Variants in CACNA1E observed in about 807,000 individuals in gnomAD.
CACNA1E encodes the protein calcium voltage-gated channel subunit alpha1 E, also known as voltage-dependent R-type calcium channel subunit alpha-1E.
A neutral mutation model predicts 259.2 loss-of-function variants in CACNA1E; 40 were observed. The observed-to-expected ratio is 0.15, with a 90% CI of 0.12 to 0.20. The LOEUF is 0.20. Among genes scored for constraint, CACNA1E ranks in the 10% least tolerant of loss-of-function variants. The pLI is 1.00. For missense variants in CACNA1E, 1,874 were observed against 3,040.1 expected (o/e 0.62, Z 9.02); for synonymous variants, 1,104 against 1,138.5 (o/e 0.97, Z 0.61).
chr1:181,435,398 C>T (rs1429014849), intron 2 of CACNA1E, among the ~76,000 whole-genome samples: 1 of 152,214 alleles, frequency 6.6e-6, no homozygotes. Flanking sequence ...ATCATTTATA[C>T]CTCCACTAGC....
At chr1:181,509,016 G>A (rs1419450373) in intron 1 of CACNA1E, among the ~76,000 whole-genome samples, 1 of 152,104 alleles carries the variant, frequency 6.6e-6, no homozygotes, top group Non-Finnish European at 1.5e-5. Context: ...AGAGGTGCGT[G>A]GGAAGGAACG....
chr1:181,799,176 C>A lies in CACNA1E; in HGVS notation c.*342C>A. 1 of 198,766 alleles carries A rather than the reference C, an allele frequency of 5.0e-6. No individual in the cohort carries two copies. Among genetic ancestry groups the A allele is most frequent in the Non-Finnish European group, 1.0e-5 (1 of 98,362 alleles). The allele number at this position is 198,766 out of a possible 1,614,324, so 12.3% of individuals were successfully genotyped here. ...TTCTAAAAGCTGTGGAGGGATCTAGCTGGCCTATGTCTACACTCAGTGCCC... is the reference window on the plus strand; with the variant it reads ...TTCTAAAAGCTGTGGAGGGATCTAGATGGCCTATGTCTACACTCAGTGCCC... On this transcript the variant is annotated 3_prime_UTR_variant, in exon 48 of 48. Coordinates refer to ENST00000367573, the MANE Select transcript of CACNA1E (RefSeq NM_001205293.3).
At chr1:181,377,331 A>G (rs1218689534) in intron 1 of CACNA1E, among the ~76,000 whole-genome samples, 1 of 152,178 alleles carries the variant, frequency 6.6e-6, no homozygotes, top group Non-Finnish European at 1.5e-5. Flanking sequence ...AGTGGAGGTG[A>G]TTGTGTGAGC....
intron 2 of CACNA1E, among the ~76,000 whole-genome samples, chr1:181,468,171 T>C (rs1296671011): frequency 1.3e-5 from 2 of 152,222 alleles, no homozygotes; most frequent in South Asian, 2.1e-4. Flanking sequence ...GAAATGAAAT[T>C]AGTTGAAAAT....
chr1:181,635,472 TTCTC>T (rs928562621), intron 6 of CACNA1E, among the ~76,000 whole-genome samples: 5 of 151,776 alleles, frequency 3.3e-5, no homozygotes, highest in African/African-American at 1.2e-4. Context: ...CCTTCCCCAG[TTCTC>T]TCTCTCTCTC....
chr1:181,677,850 A>G (rs1359641677), intron 7 of CACNA1E, among the ~76,000 whole-genome samples: 1 of 152,176 alleles, frequency 6.6e-6, no homozygotes, highest in Non-Finnish European at 1.5e-5. Flanking sequence ...GAATAACAGG[A>G]TGATCCCCAA....
chr1:181,730,976 A>G (rs1215448431), intron 18 of CACNA1E, among the ~76,000 whole-genome samples, 199 bp from the exon 19 acceptor site: 1 of 152,174 alleles, frequency 6.6e-6, no homozygotes, highest in African/African-American at 2.4e-5. Context: ...AGATCCATGT[A>G]TTTGCACATA....
intron 7 of CACNA1E, among the ~76,000 whole-genome samples, chr1:181,672,980 A>G (rs1648960284): frequency 6.6e-6 from 1 of 151,980 alleles, no homozygotes. Context: ...CTGAAAGACG[A>G]CCCCAAGAAA....
chr1:181,443,669 G>A (rs1660638118), intron 2 of CACNA1E, among the ~76,000 whole-genome samples: 1 of 152,200 alleles, frequency 6.6e-6, no homozygotes, highest in South Asian at 2.1e-4. Context: ...GTGTAAGGCA[G>A]GGCTTCTTAT....
chr1:181,454,441 T>C (rs1421897294), intron 2 of CACNA1E, among the ~76,000 whole-genome samples: 1 of 152,214 alleles, frequency 6.6e-6, no homozygotes, highest in Non-Finnish European at 1.5e-5. Context: ...GAAGAGACAG[T>C]TGAGGCTTAG....
rs1227219036 is a variant in CACNA1E, at chr1:181,805,302, T to C, written c.*6468T>C. On this transcript the variant is annotated 3_prime_UTR_variant, in exon 48 of 48. Coordinates refer to ENST00000367573, the MANE Select transcript of CACNA1E (RefSeq NM_001205293.3). ...AATATTTTCCTTCCAGTACTCTAAT[T>C]TTTTTTTATGGCAATGGCCTATATG... 1 of 152,040 alleles carries C rather than the reference T, an allele frequency of 6.6e-6. No individual in the cohort carries two copies. Among genetic ancestry groups the C allele is most frequent in the Non-Finnish European group, 1.5e-5 (1 of 68,002 alleles). 9.4% of individuals were successfully genotyped at this position (152,040 alleles called of 1,614,324 possible). A position where few individuals can be genotyped will look rare whatever the true frequency, so the allele number is the denominator to read the frequency against.
intron 46 of CACNA1E, 128 bp downstream of exon 46, chr1:181,795,172 G>A (rs1558402738): frequency 2.6e-6 from 2 of 759,826 alleles, no homozygotes; most frequent in South Asian, 2.0e-5. Flanking sequence ...AGTGAAGGAT[G>A]CTCCTTACCA....
intron 6 of CACNA1E, among the ~76,000 whole-genome samples, chr1:181,623,382 A>G (rs1012556013): frequency 6.6e-6 from 1 of 152,248 alleles, no homozygotes; most frequent in African/African-American, 2.4e-5. Flanking sequence ...AACAGAGAGT[A>G]GGCACAGAAA....
intron 1 of CACNA1E, among the ~76,000 whole-genome samples, chr1:181,382,465 G>C (rs1571720291): frequency 1.3e-5 from 2 of 152,304 alleles, no homozygotes; most frequent in East Asian, 3.9e-4. Context: ...GAGTAGTTCA[G>C]GTGCATCCAG....
intron 8 of CACNA1E, 53 bp from the exon 9 acceptor site, chr1:181,715,285 C>A: frequency 9.1e-7 from 1 of 1,104,566 alleles, no homozygotes; most frequent in Non-Finnish European, 1.4e-6. Flanking sequence ...TTTAATCTTG[C>A]AGAATAATTT....
chr1:181,574,242 A>G (rs1466385291), intron 3 of CACNA1E, among the ~76,000 whole-genome samples: 1 of 152,190 alleles, frequency 6.6e-6, no homozygotes, highest in Non-Finnish European at 1.5e-5. Context: ...GCACACATTT[A>G]CCTATGTAAC....
intron 21 of CACNA1E, among the ~76,000 whole-genome samples, chr1:181,735,817 C>G (rs2102572590): frequency 6.6e-6 from 1 of 152,218 alleles, no homozygotes; most frequent in Non-Finnish European, 1.5e-5. Context: ...AGGAATGGTA[C>G]TTAAATTGCT....
intron 2 of CACNA1E, among the ~76,000 whole-genome samples, chr1:181,453,335 G>T (rs951885590): frequency 6.6e-6 from 1 of 152,144 alleles, no homozygotes; most frequent in Non-Finnish European, 1.5e-5. Context: ...ATAATTTCCT[G>T]ACTCACAAAT....
Position 181,644,929 on chromosome 1 carries a change from G to A in CACNA1E, c.952-6409G>A, listed in dbSNP as rs537322427. 3.3e-5 allele frequency among the ~76,000 whole-genome samples: 5 copies of A among 152,236 alleles called. No homozygotes were observed. The South Asian group carries it at 1.0e-3, about 32-fold the overall frequency. Reference sequence around the variant, plus strand: ...CAGGAATAACATTCCAGGTGAAGCTGGTCTGTCAGGCAAGGGCAAGCATCT... The same window carrying A: ...CAGGAATAACATTCCAGGTGAAGCTAGTCTGTCAGGCAAGGGCAAGCATCT... On this transcript the variant is annotated intron_variant, in intron 6 of 47. Coordinates refer to ENST00000367573, the MANE Select transcript of CACNA1E (RefSeq NM_001205293.3).
Sources: allele counts gnomAD v4.1 joint callset (sites outside exome capture counted in the v4.1 genomes callset), GRCh38; gene constraint gnomAD v4.1.1; transcripts MANE v1.5; gene names NCBI Gene and HGNC (gene_info 2026-07-23, HGNC 2026-07-21).